KCNH5: variants seen among roughly 807,000 people sequenced by gnomAD.
KCNH5 encodes the protein potassium voltage-gated channel subfamily H member 5.
KCNH5 carries 46 observed loss-of-function variants against 96.1 expected under a neutral mutation model. The ratio of observed to expected loss-of-function variants is 0.48; its 90% CI spans 0.38 to 0.61. The LOEUF is 0.61. Ranked by LOEUF, KCNH5 falls within the 20% of genes least tolerant of loss-of-function variation. KCNH5 has a pLI of 0.00. For synonymous variants in KCNH5, 439 were observed against 449.8 expected (o/e 0.98, Z 0.30); for missense variants, 907 against 1,225.8 (o/e 0.74, Z 3.88).
chr14:62,988,264 A>G (rs1053315118), intron 4 of KCNH5, among the ~76,000 whole-genome samples: 2 of 152,090 alleles, frequency 1.3e-5, no homozygotes, highest in African/African-American at 4.8e-5. Context: ...ACACTATCTG[A>G]TAACTTCTAC....
At chr14:62,960,695 A>G (rs1890190297) in intron 6 of KCNH5, among the ~76,000 whole-genome samples, 1 of 152,184 alleles carries the variant, frequency 6.6e-6, no homozygotes, top group Admixed American at 6.6e-5. Context: ...TGCAAACTAC[A>G]TTTGTTATCT....
At chr14:62,875,831 G>C (rs1213332003) in intron 7 of KCNH5, among the ~76,000 whole-genome samples, 1 of 152,040 alleles carries the variant, frequency 6.6e-6, no homozygotes, top group Non-Finnish European at 1.5e-5. Flanking sequence ...CCTGGTGTTA[G>C]AAATTGTCAA....
chr14:62,792,769 C>T (rs1488080284), intron 9 of KCNH5, among the ~76,000 whole-genome samples: 2 of 151,580 alleles, frequency 1.3e-5, no homozygotes, highest in African/African-American at 4.8e-5. Flanking sequence ...TAACTCTAAC[C>T]TATGATGCAA....
chr14:63,029,511 G>A (rs902949455), intron 1 of KCNH5, among the ~76,000 whole-genome samples: 2 of 152,050 alleles, frequency 1.3e-5, no homozygotes, highest in Non-Finnish European at 2.9e-5. Flanking sequence ...AGGTATCTTG[G>A]TGTGTTTGTG....
At chr14:62,783,874 T>C (rs1488409195) in intron 9 of KCNH5, among the ~76,000 whole-genome samples, 3 of 151,044 alleles carry the variant, frequency 2.0e-5, no homozygotes, top group Admixed American at 6.6e-5. Flanking sequence ...TAACAAAATA[T>C]ATAAAAATGA....
intron 7 of KCNH5, among the ~76,000 whole-genome samples, chr14:62,935,477 G>A (rs1889661442): frequency 1.3e-5 from 2 of 152,280 alleles, no homozygotes; most frequent in Admixed American, 1.3e-4. Flanking sequence ...ACTTCAGACA[G>A]ACTGGAGGAA....
At chr14:63,032,429 C>T (rs1891647052) in intron 1 of KCNH5, among the ~76,000 whole-genome samples, 1 of 152,166 alleles carries the variant, frequency 6.6e-6, no homozygotes, top group Admixed American at 6.5e-5. Context: ...CACAGTGCTC[C>T]CATTCAAAGA....
intron 4 of KCNH5, among the ~76,000 whole-genome samples, chr14:62,987,552 G>GT (rs1176775533): frequency 6.6e-6 from 1 of 152,128 alleles, no homozygotes; most frequent in Non-Finnish European, 1.5e-5. Flanking sequence ...ATCTCAGTAT[G>GT]GCCTATGTCC....
chr14:63,045,292 AAAG>A lies in KCNH5; in HGVS notation c.-109_-107del. The A allele has an allele frequency of 1.1e-6, 1 of 924,442 alleles. No homozygotes were observed. The highest frequency in any genetic ancestry group is 1.7e-6 in the Non-Finnish European group (1 of 582,800). The allele number at this position is 924,442 out of a possible 1,614,324, so 57.3% of individuals were successfully genotyped here. ...AAAGGTGGAAGAGAAGATTGAGCCGAAAGAAGAGGGGGCGCGGCGGCGGCGACG... is the reference window on the plus strand; with the variant it reads ...AAAGGTGGAAGAGAAGATTGAGCCGAAAGAGGGGGCGCGGCGGCGGCGACG... On this transcript the variant is annotated 5_prime_UTR_variant, in exon 1 of 11. Coordinates refer to ENST00000322893, the MANE Select transcript of KCNH5 (RefSeq NM_139318.5).
At chr14:63,019,011 T>G (rs1474089548) in intron 1 of KCNH5, among the ~76,000 whole-genome samples, 1 of 151,926 alleles carries the variant, frequency 6.6e-6, no homozygotes, top group African/African-American at 2.4e-5. Context: ...CAATACAAGC[T>G]ATTGCAAACT....
chr14:63,021,792 C>A (rs897176988), intron 1 of KCNH5, among the ~76,000 whole-genome samples: 7 of 152,090 alleles, frequency 4.6e-5, no homozygotes, highest in African/African-American at 1.7e-4. Context: ...GGTAACCACT[C>A]CCCTCTTAAA....
At chr14:62,719,451 A>G (rs981944621) in intron 10 of KCNH5, among the ~76,000 whole-genome samples, 1 of 152,252 alleles carries the variant, frequency 6.6e-6, no homozygotes, top group Non-Finnish European at 1.5e-5. Context: ...GAAAAACTTC[A>G]GCCGAATTAA....
intron 9 of KCNH5, among the ~76,000 whole-genome samples, chr14:62,794,710 C>CA (rs779289669): frequency 8.8e-4 from 134 of 151,956 alleles, no homozygotes; most frequent in Middle Eastern, 3.2e-3. Flanking sequence ...ATATTAAAAT[C>CA]AAAAGGTATC....
At chr14:62,968,368 T>C (rs1420917972) in intron 6 of KCNH5, among the ~76,000 whole-genome samples, 1 of 152,192 alleles carries the variant, frequency 6.6e-6, no homozygotes, top group Non-Finnish European at 1.5e-5. Context: ...TTGTTCATCT[T>C]TGTATTTATT....
chr14:62,795,615 C>T (rs1201559180), intron 9 of KCNH5, among the ~76,000 whole-genome samples: 8 of 152,112 alleles, frequency 5.3e-5, no homozygotes, highest in Non-Finnish European at 1.2e-4. Flanking sequence ...GTTCTGAAAC[C>T]AATCCCTTGT....
chr14:62,966,264 C>T (rs1414080620), intron 6 of KCNH5, among the ~76,000 whole-genome samples: 1 of 152,150 alleles, frequency 6.6e-6, no homozygotes, highest in African/African-American at 2.4e-5. Flanking sequence ...CTACTATCAT[C>T]GATCATGCTT....
chr14:62,921,181 G>T (rs773279724), intron 7 of KCNH5, among the ~76,000 whole-genome samples: 1 of 152,140 alleles, frequency 6.6e-6, no homozygotes, highest in African/African-American at 2.4e-5. Flanking sequence ...AGTCAAATGT[G>T]GTTCAGCATG....
intron 10 of KCNH5, among the ~76,000 whole-genome samples, chr14:62,766,291 A>T (rs1885859026): frequency 6.6e-6 from 1 of 152,212 alleles, no homozygotes; most frequent in Non-Finnish European, 1.5e-5. Flanking sequence ...AACTAAAAAC[A>T]GAGCTACCAT....
intron 9 of KCNH5, among the ~76,000 whole-genome samples, chr14:62,786,223 C>A (rs952480575): frequency 1.3e-5 from 2 of 151,916 alleles, no homozygotes; most frequent in Non-Finnish European, 2.9e-5. Flanking sequence ...ATAAAAATTA[C>A]CACAGGTATT....
Sources: gnomAD v4.1 joint callset for allele counts (sites outside exome capture counted in the v4.1 genomes callset) on GRCh38, gnomAD v4.1.1 for gene constraint, MANE v1.5 for transcripts, NCBI Gene and HGNC (gene_info 2026-07-23, HGNC 2026-07-21) for gene names.